Variants in UNC80 observed in about 807,000 individuals in gnomAD.
UNC80 encodes protein unc-80 homolog.
A neutral mutation model predicts 384.6 loss-of-function variants in UNC80; 164 were observed. The observed-to-expected ratio is 0.43, with a 90% CI of 0.38 to 0.49. UNC80 has a LOEUF of 0.49. Ranked by LOEUF, UNC80 falls within the 20% of genes least tolerant of loss-of-function variation. The pLI, the probability that UNC80 is intolerant of heterozygous loss-of-function variation, is 0.00. For missense variants in UNC80, 3,330 were observed against 4,143.0 expected, an observed-to-expected ratio of 0.80 and a Z score of 5.39; for synonymous variants, 1,486 against 1,527.8, an observed-to-expected ratio of 0.97 and a Z score of 0.64.
chr2:209,812,976 A>T (rs1265891839), intron 7 of UNC80, among the ~76,000 whole-genome samples: 1 of 152,194 alleles, frequency 6.6e-6, no homozygotes, highest in Non-Finnish European at 1.5e-5. Context: ...TAGAATTTTC[A>T]AACTTATTTT....
rs2089756894 is a variant in UNC80, at chr2:209,918,591, C to A, written c.5271C>A (p.Val1757=). 6.4e-7 allele frequency: 1 copy of A among 1,552,020 alleles called. No individual in the cohort carries two copies. Among genetic ancestry groups the A allele is most frequent in the Non-Finnish European group, 8.7e-7 (1 of 1,147,084 alleles). ...LPSPVLGMPS[V]PMFDPPWVPQ... ...CGCCGGTGCTTGGAATGCCATCCGT[C>A]CCAATGTTTGACCCACCGTGGGTTC... Residue 1757 remains valine, a synonymous_variant, in exon 33 of 65, where the codon GTC becomes GTA. Coordinates refer to ENST00000673920, the MANE Select transcript of UNC80 (RefSeq NM_001371986.1).
At position 209,921,676 on chromosome 2, in the gene UNC80, GGAA is replaced by G; in HGVS notation, c.5528_5530del (p.Glu1843del). 6.5e-7 allele frequency: 1 copy of G among 1,549,668 alleles called. No individual in the cohort carries two copies. The highest frequency in any genetic ancestry group is 1.2e-5 in the South Asian group (1 of 83,746). On this transcript the variant is annotated inframe_deletion, in exon 34 of 65. Transcript: ENST00000673920. ...CCACATGCACGCCCAACTCAGAACC[GGAA>G]GAAGAAGGTGCCCTCTGCACACAGG...
At chr2:209,993,203 T>C (rs2093423258) in intron 62 of UNC80, 112 bp from the exon 63 acceptor site, 2 of 772,582 alleles carry the variant, frequency 2.6e-6, no homozygotes, top group Non-Finnish European at 4.1e-6. Context: ...ATTTATCAGC[T>C]ATAAATGTAA....
Position 209,893,653 on chromosome 2 carries a change from G to A in UNC80, c.4277-510G>A, listed in dbSNP as rs2086557167. Among the ~76,000 whole-genome samples, 3 of 152,128 alleles carry A rather than the reference G, an allele frequency of 2.0e-5. No homozygotes were observed. The South Asian group carries it at 6.2e-4, about 31-fold the overall frequency. ...TGCTCACCCAAAGCACCCCAGTGAA[G>A]ACAGATTGTTTAGTGCCTTTTCTGA... On this transcript the variant is annotated intron_variant, in intron 26 of 64. Transcript: ENST00000673920.
chr2:209,808,767 T>TTCTGCGCTACACAGCGACCTCGTTGCC, intron 7 of UNC80: 1 of 59,212 alleles, frequency 1.7e-5, no homozygotes, highest in Non-Finnish European at 2.9e-5. Context: ...CCTGCGCTAC[T>TTCTGCGCTACACAGCGACCTCGTTGCC]TCTGCGCTAC....
intron 28 of UNC80, among the ~76,000 whole-genome samples, chr2:209,897,584 C>T (rs79952082): frequency 2.6e-5 from 4 of 152,128 alleles, no homozygotes; most frequent in Non-Finnish European, 5.9e-5. Context: ...TAAAAAAAAA[C>T]TTCCAAAGCA....
Position 209,775,930 on chromosome 2 carries a change from C to T in UNC80, c.183C>T (p.Leu61=). Residue 61 remains leucine (L), a synonymous_variant, in exon 3 of 65, where the codon CTC becomes CTT. Transcript: ENST00000673920. The part of the protein sequence containing the change: ...RVLVENKLHG[L]SPALSEAIQS... ...TGGTAGAAAACAAGCTGCATGGCCT[C>T]TCTCCAGCTCTCTCTGAAGCCATCC... is the stretch of plus-strand genomic sequence containing the variant. The T allele has an allele frequency of 6.2e-7, 1 of 1,614,112 alleles. No homozygotes were observed. Among genetic ancestry groups the T allele is most frequent in the Non-Finnish European group, 8.5e-7 (1 of 1,179,998 alleles).
intron 29 of UNC80, among the ~76,000 whole-genome samples, chr2:209,910,809 C>A (rs989073162): frequency 6.6e-6 from 1 of 151,954 alleles, no homozygotes; most frequent in African/African-American, 2.4e-5. Context: ...ATTTAAGAAT[C>A]ATATTTTCAA....
At chr2:209,776,603 C>A (rs2076879618) in intron 3 of UNC80, among the ~76,000 whole-genome samples, 1 of 152,100 alleles carries the variant, frequency 6.6e-6, no homozygotes, top group Admixed American at 6.6e-5. Context: ...ACAAAAACAA[C>A]ACAAAAAAAT....
At chr2:209,940,426 GA>G (rs2091549752) in intron 43 of UNC80, among the ~76,000 whole-genome samples, 1 of 152,328 alleles carries the variant, frequency 6.6e-6, no homozygotes, top group African/African-American at 2.4e-5. Flanking sequence ...GACACAGAAG[GA>G]GACCCACTTT....
intron 22 of UNC80, among the ~76,000 whole-genome samples, chr2:209,871,170 C>T (rs1484035595): frequency 2.0e-5 from 3 of 151,976 alleles, no homozygotes; most frequent in African/African-American, 7.3e-5. Flanking sequence ...GACTAATATC[C>T]CACTTTAAGT....
intron 12 of UNC80, among the ~76,000 whole-genome samples, chr2:209,819,746 T>C (rs1233317346): frequency 6.6e-6 from 1 of 152,236 alleles, no homozygotes; most frequent in East Asian, 1.9e-4. Flanking sequence ...TTTACAATTA[T>C]ATTTCACAAA....
At chr2:209,800,629 G>T (rs1354540798) in intron 7 of UNC80, among the ~76,000 whole-genome samples, 1 of 151,868 alleles carries the variant, frequency 6.6e-6, no homozygotes, top group Non-Finnish European at 1.5e-5. Context: ...TGCCTTTCTA[G>T]CTCTTTTAAT....
At chr2:209,897,485 T>C (rs1225895691) in intron 28 of UNC80, among the ~76,000 whole-genome samples, 1 of 152,192 alleles carries the variant, frequency 6.6e-6, no homozygotes, top group African/African-American at 2.4e-5. Flanking sequence ...GGTCCTCCAA[T>C]TTTGTTGTTC....
At chr2:209,990,394 T>G (rs965423770) in intron 61 of UNC80, among the ~76,000 whole-genome samples, 1 of 152,178 alleles carries the variant, frequency 6.6e-6, no homozygotes, top group African/African-American at 2.4e-5. Context: ...TGTACCTCAC[T>G]TTTCATGTTC....
intron 51 of UNC80, among the ~76,000 whole-genome samples, chr2:209,964,716 G>A (rs1440307497): frequency 1.3e-5 from 2 of 151,140 alleles, no homozygotes; most frequent in African/African-American, 4.9e-5. Flanking sequence ...TGTACCGGGA[G>A]GCAGAGGTTG....
chr2:209,832,360 G>A (rs944253978), intron 16 of UNC80, among the ~76,000 whole-genome samples: 1 of 151,998 alleles, frequency 6.6e-6, no homozygotes, highest in Non-Finnish European at 1.5e-5. Flanking sequence ...TGTGGTTTTG[G>A]ATACGAAAAT....
chr2:209,938,702 CTCTCTCTCTGTG>C (rs1395259706), intron 42 of UNC80, among the ~76,000 whole-genome samples: 3 of 143,318 alleles, frequency 2.1e-5, no homozygotes, highest in African/African-American at 8.1e-5. Flanking sequence ...CTCTCTCTCT[CTCTCTCTCTGTG>C]TGTGTGTGTG....
In UNC80 at chr2:209,997,559, A is replaced by G. The variant is rs1360404548; in HGVS notation, c.*1964A>G. The G allele has an allele frequency of 2.6e-5, 4 of 152,254 alleles. No individual in the cohort carries two copies. The highest frequency in any genetic ancestry group is 5.9e-5 in the Non-Finnish European group (4 of 68,048). The allele number at this position is 152,254 out of a possible 1,614,324, so 9.4% of individuals were successfully genotyped here. ...AAAGAAGATTGTTAAATATTCAACAAGAATCATAAATACCTTTATATGTAT... is the reference window on the plus strand; with the variant it reads ...AAAGAAGATTGTTAAATATTCAACAGGAATCATAAATACCTTTATATGTAT... On this transcript the variant is annotated 3_prime_UTR_variant, in exon 65 of 65. Transcript: ENST00000673920.
Sources: allele counts gnomAD v4.1 joint callset (sites outside exome capture counted in the v4.1 genomes callset), GRCh38; gene constraint gnomAD v4.1.1; transcripts MANE v1.5; gene names NCBI Gene and HGNC (gene_info 2026-07-23, HGNC 2026-07-21).